The following MPP1 variants were observed in gnomAD, a reference collection of about 807,000 sequenced individuals.
The protein encoded by MPP1 is 55 kDa erythrocyte membrane protein.
A neutral mutation model predicts 38.2 loss-of-function variants in MPP1; 6 were observed. The ratio of observed to expected loss-of-function variants is 0.16; its 90% CI spans 0.09 to 0.31. MPP1 has a LOEUF of 0.31. MPP1 is among the 10% of genes least tolerant of loss of function. The pLI is 1.00. For missense variants in MPP1, 293 were observed against 368.9 expected (o/e 0.79, Z 1.69); for synonymous variants, 153 against 146.3 (o/e 1.05, Z -0.33).
chrX:154,802,597 A>G (rs2072279416), intron 1 of MPP1, among the ~76,000 whole-genome samples: 1 of 111,658 alleles, frequency 9.0e-6, no homozygotes, highest in Non-Finnish European at 1.9e-5. Flanking sequence ...TTTTATGTGC[A>G]TTAATGGATA....
Position 154,783,462 on chromosome X carries a change from C to T in MPP1, c.911G>A (p.Ser304Asn), listed in dbSNP as rs373372984. Reference sequence around the variant, plus strand: ...GTACACAAACTTCTCCGGATTCTGGCTGAGCAGGGCATTCTTAATGTGGCT... The same window carrying T: ...GTACACAAACTTCTCCGGATTCTGGTTGAGCAGGGCATTCTTAATGTGGCT... ...GRSHIKNALL[S>N]QNPEKFVYPV... Residue 304 changes from serine to asparagine, a missense_variant, in exon 9 of 12, where the codon AGC becomes AAC. Ser to Asn is a conservative substitution (Grantham distance 46). Coordinates refer to ENST00000369534, the MANE Select transcript of MPP1 (RefSeq NM_002436.4). 6 of 1,208,370 alleles carry T rather than the reference C, an allele frequency of 5.0e-6. No individual in the cohort carries two copies. The highest frequency in any genetic ancestry group is 6.7e-6 in the Non-Finnish European group (6 of 894,557).
intron 5 of MPP1, 72 bp downstream of exon 5, chrX:154,789,882 A>G (rs2072120651): frequency 1.3e-6 from 1 of 770,898 alleles, no homozygotes; most frequent in Non-Finnish European, 1.9e-6. Flanking sequence ...CTTATAATCA[A>G]ATTTCAAAGA....
intron 1 of MPP1, among the ~76,000 whole-genome samples, chrX:154,802,024 A>G (rs1293374111): frequency 8.9e-6 from 1 of 111,752 alleles, no homozygotes; most frequent in East Asian, 2.8e-4. Context: ...TGAAATTATA[A>G]CTAGTCAGAA....
chrX:154,785,204 T>G (rs782286190), intron 6 of MPP1, 47 bp from the exon 7 acceptor site: 3 of 780,432 alleles, frequency 3.8e-6, no homozygotes, highest in Non-Finnish European at 5.0e-6. Flanking sequence ...CCCCCTCCCC[T>G]CATACCCCCC....
rs190042221 is a variant in MPP1 at position 154,791,058 on chromosome X, G to A, written c.336C>T (p.His112=). Residue 112 remains histidine, a synonymous_variant, in exon 4 of 12, where the codon CAC becomes CAT. Coordinates refer to ENST00000369534, the MANE Select transcript of MPP1 (RefSeq NM_002436.4). ...GGMIHRQGSL[H]VGDEILEING... ...TGATTTCTAGGATCTCATCCCCCAC[G>A]TGAAGGGAGCCTGCCATGAAATGAA... 82 of 1,206,720 alleles carry A rather than the reference G, an allele frequency of 6.8e-5. No homozygotes were observed. In the Admixed American group the frequency reaches 1.4e-3, roughly 20 times the overall value.
chrX:154,780,942 C>G (rs1478562094), intron 11 of MPP1, among the ~76,000 whole-genome samples: 1 of 112,194 alleles, frequency 8.9e-6, no homozygotes, highest in Non-Finnish European at 1.9e-5. Context: ...GAGCCTGCAT[C>G]CCACCAGTAT....
At chrX:154,782,073 C>T (rs1288395020) in intron 9 of MPP1, 4 of 288,530 alleles carry the variant, frequency 1.4e-5, no homozygotes, top group African/African-American at 1.1e-4. Flanking sequence ...AGTTACATCT[C>T]TCAAACTACC....
chrX:154,780,944 C>T (rs1379695198), intron 11 of MPP1, among the ~76,000 whole-genome samples: 1 of 112,200 alleles, frequency 8.9e-6, no homozygotes, highest in African/African-American at 3.2e-5. Flanking sequence ...GCCTGCATCC[C>T]ACCAGTATCA....
chrX:154,799,811 G>C (rs1334635847), intron 1 of MPP1: 13 of 1,163,969 alleles, frequency 1.1e-5, no homozygotes, highest in Non-Finnish European at 1.4e-5. Context: ...TGCTGGAGTG[G>C]CAATGCCTGC....
At chrX:154,780,146 C>CA (rs2071974542) in intron 11 of MPP1, among the ~76,000 whole-genome samples, 1 of 112,557 alleles carries the variant, frequency 8.9e-6, no homozygotes, top group South Asian at 3.6e-4. Context: ...CCCATTTCTA[C>CA]AAAAAACAAA....
chrX:154,802,313 G>A (rs782218435), intron 1 of MPP1, among the ~76,000 whole-genome samples: 26 of 112,455 alleles, frequency 2.3e-4, no homozygotes, highest in African/African-American at 8.4e-4. Flanking sequence ...AGTTCCAGCA[G>A]CAGACCTGGA....
Position 154,792,195 on chromosome X carries a change from C to T in MPP1, c.193G>A (p.Glu65Lys). 1.7e-6 allele frequency: 2 copies of T among 1,212,080 alleles called. No individual in the cohort carries two copies. The highest frequency in any genetic ancestry group is 2.2e-6 in the Non-Finnish European group (2 of 895,579). Residue 65 changes from glutamate (E) to lysine (K), a missense_variant, in exon 2 of 12, where the codon GAG (glutamate) becomes AAG (lysine). Coordinates refer to ENST00000369534, the MANE Select transcript of MPP1 (RefSeq NM_002436.4). ...TGTATGAGTCGCACTTTCCGCACCT[C>T]CTGTCCCTTGACCTGGGCAGGGCTA... ...PGSPAQVKGQ[E>K]VRKVRLIQFE...
At chrX:154,788,695 T>C (rs1030434401) in intron 5 of MPP1, among the ~76,000 whole-genome samples, 2 of 111,978 alleles carry the variant, frequency 1.8e-5, no homozygotes, top group Non-Finnish European at 3.8e-5. Flanking sequence ...TGCACAAAAA[T>C]CATATGATTT....
chrX:154,792,314 A>G, intron 1 of MPP1, 29 bp from the exon 2 acceptor site: 1 of 1,188,685 alleles, frequency 8.4e-7, no homozygotes, highest in Non-Finnish European at 1.1e-6. Flanking sequence ...AAAGCAACGT[A>G]TGAAATCAGG....
Position 154,805,407 on chromosome X carries a change from G to C in MPP1, c.-34C>G, listed in dbSNP as rs782623427. ...AGCTGGAACACTGGAACGCAAGACA[G>C]GGCAGCGCTGGGAATGACAGGGCCC... On this transcript the variant is annotated 5_prime_UTR_variant, in exon 1 of 12. Transcript: ENST00000369534. 3 of 1,142,139 alleles carry C rather than the reference G, an allele frequency of 2.6e-6. No homozygotes were observed. In the South Asian group the frequency reaches 5.8e-5, roughly 22 times the overall value. 94.1% of individuals were successfully genotyped at this position (1,142,139 alleles called of 1,213,427 possible). A position where few individuals can be genotyped will look rare whatever the true frequency, so the allele number is the denominator to read the frequency against.
chrX:154,783,689 C>T (rs1557266892), intron 8 of MPP1, 182 bp from the exon 9 acceptor site: 1 of 440,928 alleles, frequency 2.3e-6, no homozygotes. Context: ...AGCCTACATA[C>T]CTGGGTTTGA....
chrX:154,791,197 C>T, intron 3 of MPP1, 129 bp from the exon 4 acceptor site: 1 of 577,711 alleles, frequency 1.7e-6, no homozygotes, highest in South Asian at 2.8e-5. Context: ...GTGTCAAATA[C>T]TCAGGATTGA....
intron 1 of MPP1, among the ~76,000 whole-genome samples, chrX:154,802,526 G>A (rs2072278567): frequency 9.0e-6 from 1 of 111,475 alleles, no homozygotes; most frequent in African/African-American, 3.3e-5. Context: ...TCAGGTCCTG[G>A]GGAAAGTGTT....
Position 154,786,329 on chromosome X carries a change from C to T in MPP1, c.552G>A (p.Leu184=). 8.3e-7 allele frequency: 1 copy of T among 1,211,750 alleles called. No individual in the cohort carries two copies. The highest frequency in any genetic ancestry group is 3.0e-5 in the East Asian group (1 of 33,825). ...GGATAATGTCCCCAGTAGCAAACTT[C>T]AGTCCCGCCTCCTTGCAAGGGATCA... The part of the protein sequence containing the change: ...DNLIPCKEAG[L]KFATGDIIQI... The change falls in exon 6 of 12, where the codon CTG becomes CTA. Residue 184 remains leucine, a synonymous_variant. Transcript: ENST00000369534.
Sources: allele counts gnomAD v4.1 joint callset (sites outside exome capture counted in the v4.1 genomes callset), GRCh38; gene constraint gnomAD v4.1.1; transcripts MANE v1.5; gene names NCBI Gene and HGNC (gene_info 2026-07-23, HGNC 2026-07-21).